The following PITPNC1 variants were observed in gnomAD, a reference collection of about 807,000 sequenced individuals.
PITPNC1 encodes the protein cytoplasmic phosphatidylinositol transfer protein 1.
Under a neutral mutation model 44.7 loss-of-function variants are expected in PITPNC1, and 18 were observed. The ratio of observed to expected loss-of-function variants is 0.40; its 90% CI spans 0.28 to 0.60. The LOEUF is 0.60. Ranked by LOEUF, PITPNC1 falls within the 20% of genes least tolerant of loss-of-function variation. The pLI is 0.39. For synonymous variants in PITPNC1, 141 were observed against 149.6 expected (o/e 0.94, Z 0.42); for missense variants, 290 against 418.4 (o/e 0.69, Z 2.68).
At chr17:67,419,972 C>T (rs2038647880) in intron 1 of PITPNC1, among the ~76,000 whole-genome samples, 1 of 151,978 alleles carries the variant, frequency 6.6e-6, no homozygotes, top group Non-Finnish European at 1.5e-5. Context: ...CAAAACCATC[C>T]ACATCTGTCT....
intron 2 of PITPNC1, among the ~76,000 whole-genome samples, chr17:67,548,193 A>C (rs1477629446): frequency 1.3e-5 from 2 of 152,236 alleles, no homozygotes; most frequent in Non-Finnish European, 2.9e-5. Context: ...ATTTTCTGGC[A>C]GGTGGGACTT....
At chr17:67,458,155 A>G (rs928123346) in intron 1 of PITPNC1, among the ~76,000 whole-genome samples, 2 of 152,126 alleles carry the variant, frequency 1.3e-5, no homozygotes, top group African/African-American at 4.8e-5. Context: ...TCTCTCCATC[A>G]TACCTACACC....
At chr17:67,408,677 T>C (rs111453563) in intron 1 of PITPNC1, 5,341 of 79,114 alleles carry the variant, frequency 0.068, 380 homozygotes, top group African/African-American at 0.25. Flanking sequence ...GCTTTCTCTT[T>C]CTTCCTTCCT....
chr17:67,413,461 T>G (rs923210437), intron 1 of PITPNC1, among the ~76,000 whole-genome samples: 1 of 103,018 alleles, frequency 9.7e-6, no homozygotes, highest in South Asian at 3.0e-4. Flanking sequence ...ATATAAAAAA[T>G]AGAGAGAATG....
At chr17:67,494,019 A>C (rs2039896697) in intron 1 of PITPNC1, among the ~76,000 whole-genome samples, 1 of 152,202 alleles carries the variant, frequency 6.6e-6, no homozygotes, top group African/African-American at 2.4e-5. Context: ...TAGAGCATGA[A>C]TAAAACAGAC....
chr17:67,474,157 G>T (rs957944752), intron 1 of PITPNC1, among the ~76,000 whole-genome samples: 3 of 152,122 alleles, frequency 2.0e-5, no homozygotes, highest in Non-Finnish European at 4.4e-5. Context: ...TCCTAGGAAG[G>T]TCAGTGAGAA....
At chr17:67,405,277 C>A (rs1012632392) in intron 1 of PITPNC1, among the ~76,000 whole-genome samples, 1 of 151,470 alleles carries the variant, frequency 6.6e-6, no homozygotes, top group Non-Finnish European at 1.5e-5. Context: ...TAGGGACAGG[C>A]GCAGTGGCTC....
At chr17:67,468,444 C>G (rs535147256) in intron 1 of PITPNC1, among the ~76,000 whole-genome samples, 1 of 149,658 alleles carries the variant, frequency 6.7e-6, no homozygotes, top group South Asian at 2.1e-4. Context: ...CTCTGCCGCC[C>G]AGGCTGGAGT....
chr17:67,421,904 G>A (rs1420966666), intron 1 of PITPNC1, among the ~76,000 whole-genome samples: 1 of 152,154 alleles, frequency 6.6e-6, no homozygotes, highest in Non-Finnish European at 1.5e-5. Context: ...CACAGCCAAG[G>A]CAATGAGAGA....
chr17:67,566,897 C>T (rs1316137612), intron 4 of PITPNC1, among the ~76,000 whole-genome samples: 1 of 152,230 alleles, frequency 6.6e-6, no homozygotes, highest in Non-Finnish European at 1.5e-5. Flanking sequence ...GACAGCCTGG[C>T]TTGAATCCCA....
At chr17:67,632,324 G>GCACTT in intron 6 of PITPNC1, 86 bp downstream of exon 6, 2 of 844,796 alleles carry the variant, frequency 2.4e-6, no homozygotes, top group Non-Finnish European at 4.0e-6. Flanking sequence ...AACTTGGGAG[G>GCACTT]ATGCCATCTC....
chr17:67,625,534 T>C (rs1442829912), intron 5 of PITPNC1, among the ~76,000 whole-genome samples: 1 of 152,298 alleles, frequency 6.6e-6, no homozygotes, highest in African/African-American at 2.4e-5. Flanking sequence ...AGCCACTGCT[T>C]GTTTTTAATG....
At chr17:67,654,663 C>T (rs559114264) in intron 6 of PITPNC1, among the ~76,000 whole-genome samples, 1 of 152,214 alleles carries the variant, frequency 6.6e-6, no homozygotes, top group African/African-American at 2.4e-5. Context: ...GATGGAATCT[C>T]CCTCTATTGC....
At chr17:67,585,131 A>C (rs974432759) in intron 5 of PITPNC1, among the ~76,000 whole-genome samples, 5 of 146,120 alleles carry the variant, frequency 3.4e-5, no homozygotes, top group African/African-American at 7.3e-5. Flanking sequence ...AAAAAAAAAA[A>C]AAAAACCAGA....
chr17:67,632,531 C>A, intron 6 of PITPNC1: 2 of 325,150 alleles, frequency 6.2e-6, no homozygotes, highest in Non-Finnish European at 5.5e-6. Context: ...ACACACTGGC[C>A]TTGCTGAAAA....
chr17:67,546,701 CT>C (rs2056097144), intron 2 of PITPNC1, among the ~76,000 whole-genome samples: 1 of 152,186 alleles, frequency 6.6e-6, no homozygotes, highest in South Asian at 2.1e-4. Flanking sequence ...CACAAACTGT[CT>C]TGTTAAGCAG....
intron 4 of PITPNC1, among the ~76,000 whole-genome samples, chr17:67,563,342 A>G (rs2040930405): frequency 6.6e-6 from 1 of 152,228 alleles, no homozygotes; most frequent in South Asian, 2.1e-4. Context: ...AGATGGCAAG[A>G]GAAGAATGCA....
chr17:67,502,356 A>C (rs1214990099), intron 1 of PITPNC1, among the ~76,000 whole-genome samples: 1 of 152,048 alleles, frequency 6.6e-6, no homozygotes, highest in Non-Finnish European at 1.5e-5. Context: ...CATTTCCAGG[A>C]AATGGATTGA....
At chr17:67,486,496 G>A (rs1443173872) in intron 1 of PITPNC1, among the ~76,000 whole-genome samples, 2 of 152,128 alleles carry the variant, frequency 1.3e-5, no homozygotes, top group African/African-American at 4.8e-5. Flanking sequence ...ATCGGAGATG[G>A]TAGCAAAGTA....
Sources: allele counts gnomAD v4.1 joint callset (sites outside exome capture counted in the v4.1 genomes callset), GRCh38; gene constraint gnomAD v4.1.1; transcripts MANE v1.5; gene names NCBI Gene and HGNC (gene_info 2026-07-23, HGNC 2026-07-21).